The following SIPA1L3 variants were observed in gnomAD, a reference collection of about 807,000 sequenced individuals.
SIPA1L3 encodes signal induced proliferation associated 1 like 3.
Under a neutral mutation model 150.1 loss-of-function variants are expected in SIPA1L3, and 59 were observed. That is an observed-to-expected ratio of 0.39 (90% CI 0.32 to 0.49). SIPA1L3 has a LOEUF of 0.49. SIPA1L3 is among the 20% of genes least tolerant of loss of function. The pLI, the probability that SIPA1L3 is intolerant of heterozygous loss-of-function variation, is 0.86. For synonymous variants in SIPA1L3, 1,070 were observed against 1,077.6 expected (o/e 0.99, Z 0.14); for missense variants, 2,211 against 2,489.5 (o/e 0.89, Z 2.38).
intron 11 of SIPA1L3, among the ~76,000 whole-genome samples, chr19:38,141,769 G>A (rs1266288010): frequency 2.6e-5 from 4 of 152,148 alleles, no homozygotes; most frequent in Non-Finnish European, 5.9e-5. Flanking sequence ...CATTGCTTGA[G>A]GCCAGGAGTT....
chr19:38,056,295 G>A (rs998499017), intron 2 of SIPA1L3, among the ~76,000 whole-genome samples: 2 of 152,214 alleles, frequency 1.3e-5, no homozygotes, highest in African/African-American at 4.8e-5. Context: ...GGCAGGTCAC[G>A]ATCTCCATGA....
At chr19:37,914,067 A>G (rs1020254223) in intron 1 of SIPA1L3, among the ~76,000 whole-genome samples, 2 of 150,136 alleles carry the variant, frequency 1.3e-5, no homozygotes, top group Non-Finnish European at 3.0e-5. Flanking sequence ...GCCTCTTCAG[A>G]TAGTTTTAAC....
intron 15 of SIPA1L3, among the ~76,000 whole-genome samples, chr19:38,179,910 T>A (rs1220204789): frequency 6.6e-6 from 1 of 152,114 alleles, no homozygotes; most frequent in East Asian, 1.9e-4. Flanking sequence ...TGGCGCAATC[T>A]CAGCTCACTG....
In SIPA1L3 at chr19:38,180,232, G is replaced by C. The variant is rs141837414; in HGVS notation, c.4209-2287G>C. 2.2e-3 allele frequency among the ~76,000 whole-genome samples: 328 copies of C among 152,276 alleles called. 2 individuals are homozygous for C. The highest frequency in any genetic ancestry group is 7.5e-3 in the African/African-American group (311 of 41,564). ...CATTTTTCAAGGATGGTTTTGCTGG[G>C]TATAGAATTCCTGGTTAACAGTTGT... On this transcript the variant is annotated intron_variant, in intron 15 of 21. Transcript: ENST00000222345.
intron 16 of SIPA1L3, chr19:38,186,217 A>G (rs1972674685): frequency 6.6e-6 from 1 of 152,252 alleles, no homozygotes; most frequent in Non-Finnish European, 1.5e-5. Context: ...GTTGGTGTAA[A>G]CATATGTAAA....
chr19:38,139,648 C>T (rs113318135), intron 10 of SIPA1L3, among the ~76,000 whole-genome samples: 32 of 152,232 alleles, frequency 2.1e-4, no homozygotes, highest in African/African-American at 7.7e-4. Context: ...TGCGGTGTGT[C>T]GGGCCCTGGG....
chr19:38,123,093 CA>C (rs1372763951), intron 9 of SIPA1L3, among the ~76,000 whole-genome samples: 1 of 152,090 alleles, frequency 6.6e-6, no homozygotes, highest in Non-Finnish European at 1.5e-5. Flanking sequence ...TAGTGAGGAT[CA>C]AATGGGCGCC....
At chr19:38,124,395 C>CA (rs1011574295) in intron 9 of SIPA1L3, among the ~76,000 whole-genome samples, 3 of 149,886 alleles carry the variant, frequency 2.0e-5, no homozygotes, top group African/African-American at 7.5e-5. Flanking sequence ...CCCCACATCT[C>CA]AGACGATGGG....
chr19:37,982,669 A>T (rs1285729265), intron 1 of SIPA1L3, among the ~76,000 whole-genome samples: 1 of 152,188 alleles, frequency 6.6e-6, no homozygotes, highest in East Asian at 1.9e-4. Context: ...GGCCACATGC[A>T]CGTCTTCAGA....
intron 1 of SIPA1L3, among the ~76,000 whole-genome samples, chr19:37,940,033 C>A (rs1043586277): frequency 1.3e-5 from 2 of 152,138 alleles, no homozygotes; most frequent in African/African-American, 4.8e-5. Context: ...CAAACGGGGT[C>A]TCCACCCTTG....
chr19:38,190,336 T>G (rs528415985), intron 16 of SIPA1L3, among the ~76,000 whole-genome samples: 1 of 152,266 alleles, frequency 6.6e-6, no homozygotes, highest in South Asian at 2.1e-4. Flanking sequence ...GGGAGTCCCC[T>G]TTTGATTTGT....
chr19:38,026,529 A>C lies in SIPA1L3; in HGVS notation c.-378-2560A>C, dbSNP rs80026791. On this transcript the variant is annotated intron_variant, in intron 1 of 21. Transcript: ENST00000222345. ...GGACTGAGTGGGAAAGATGAGGTTC[A>C]AGGGGCTGACTGAGGAAGAGAAATA... 1.6e-3 allele frequency among the ~76,000 whole-genome samples: 242 copies of C among 152,278 alleles called. 1 individual carries two copies. Among genetic ancestry groups the C allele is most frequent in the African/African-American group, 5.5e-3 (230 of 41,560 alleles).
At chr19:38,065,652 C>T (rs1969556714) in intron 2 of SIPA1L3, among the ~76,000 whole-genome samples, 1 of 151,888 alleles carries the variant, frequency 6.6e-6, no homozygotes, top group African/African-American at 2.4e-5. Context: ...GAACTCCCGA[C>T]CTCAGGTGAT....
chr19:38,195,804 C>CG (rs1972913504), intron 18 of SIPA1L3, among the ~76,000 whole-genome samples: 2 of 129,120 alleles, frequency 1.5e-5, no homozygotes, highest in African/African-American at 2.9e-5. Context: ...CCCCCCCCGC[C>CG]CCCCCGGGTT....
intron 2 of SIPA1L3, among the ~76,000 whole-genome samples, chr19:38,077,444 C>T (rs926875398): frequency 5.9e-5 from 9 of 151,770 alleles, no homozygotes; most frequent in African/African-American, 2.2e-4. Context: ...GAGAAAGACC[C>T]TGTCTCTAAA....
intron 1 of SIPA1L3, among the ~76,000 whole-genome samples, chr19:37,925,505 T>C (rs770512231): frequency 6.6e-6 from 1 of 151,958 alleles, no homozygotes; most frequent in South Asian, 2.1e-4. Flanking sequence ...AGAGGAGATA[T>C]TTGCAGATCT....
At chr19:38,114,806 A>C (rs1970845066) in intron 8 of SIPA1L3, among the ~76,000 whole-genome samples, 1 of 152,234 alleles carries the variant, frequency 6.6e-6, no homozygotes, top group African/African-American at 2.4e-5. Context: ...ATCACTAGCC[A>C]GTCAACGCCA....
intron 12 of SIPA1L3, among the ~76,000 whole-genome samples, chr19:38,147,479 C>T (rs998854731): frequency 2.0e-5 from 3 of 151,836 alleles, no homozygotes; most frequent in Non-Finnish European, 2.9e-5. Flanking sequence ...AAGATTTTCT[C>T]GTTTTTTTTT....
intron 4 of SIPA1L3, among the ~76,000 whole-genome samples, chr19:38,098,632 TG>T (rs1264074107): frequency 6.6e-6 from 1 of 152,092 alleles, no homozygotes; most frequent in African/African-American, 2.4e-5. Context: ...TGACCTCAAG[TG>T]GTCCGCCCGC....
Sources: allele counts gnomAD v4.1 joint callset (sites outside exome capture counted in the v4.1 genomes callset), GRCh38; gene constraint gnomAD v4.1.1; transcripts MANE v1.5; gene names NCBI Gene and HGNC (gene_info 2026-07-23, HGNC 2026-07-21).